TMEM204: variants seen among roughly 807,000 people sequenced by gnomAD.
The protein encoded by TMEM204 is transmembrane protein 204, also known as claudin-like protein 24.
Under a neutral mutation model 19.4 loss-of-function variants are expected in TMEM204, and 15 were observed. That is an observed-to-expected ratio of 0.77 (90% CI 0.52 to 1.19). The LOEUF (loss-of-function observed/expected upper bound fraction) is 1.19. TMEM204 is among the 50% of genes most tolerant of loss of function. TMEM204 has a pLI of 0.00. For synonymous variants in TMEM204, 161 were observed against 146.0 expected, an observed-to-expected ratio of 1.10 and a Z score of -0.74; for missense variants, 287 against 321.2, an observed-to-expected ratio of 0.89 and a Z score of 0.81.
intron 1 of TMEM204, 72 bp downstream of exon 1, chr16:1,534,627 G>T: frequency 2.5e-6 from 4 of 1,590,380 alleles, no homozygotes; most frequent in South Asian, 1.1e-5. Flanking sequence ...TGTTAGGCGC[G>T]GACCTGGTGA....
intron 1 of TMEM204, among the ~76,000 whole-genome samples, chr16:1,539,422 T>A (rs1050799304): frequency 6.6e-6 from 1 of 152,244 alleles, no homozygotes; most frequent in African/African-American, 2.4e-5. Context: ...CCTCTGGCAT[T>A]TCCAGTGCCC....
intron 1 of TMEM204, chr16:1,541,167 G>A (rs1411992734): frequency 1.4e-5 from 14 of 985,320 alleles, no homozygotes; most frequent in Non-Finnish European, 1.7e-5. Flanking sequence ...CCAGGTGTAG[G>A]TGGGGGACAG....
chr16:1,550,179 A>G (rs1305211629), intron 2 of TMEM204, among the ~76,000 whole-genome samples: 3 of 151,998 alleles, frequency 2.0e-5, no homozygotes, highest in Admixed American at 1.3e-4. Flanking sequence ...GGCTCAAGCA[A>G]TCTGTCCACC....
intron 2 of TMEM204, chr16:1,552,899 C>T (rs990771834): frequency 1.6e-5 from 14 of 894,438 alleles, no homozygotes; most frequent in Admixed American, 6.2e-5. Context: ...GTGATCCACC[C>T]GCCTCAGCCT....
Position 1,545,532 on chromosome 16 carries a change from G to A in TMEM204, c.436+3456G>A, listed in dbSNP as rs181438039. ...GAGTCGGGTTTTTTTTCCTGTACTC[G>A]CGTCTGTTTTAAACAGTCAGGGAGA... On this transcript the variant is annotated intron_variant, in intron 2 of 2. Transcript: ENST00000566264. Among the ~76,000 whole-genome samples, 49 of 152,074 alleles carry A rather than the reference G, an allele frequency of 3.2e-4. 1 individual carries two copies. In the East Asian group the frequency reaches 9.3e-3, roughly 29 times the overall value.
chr16:1,553,284 G>C lies in TMEM204; in HGVS notation c.437-1498G>C, dbSNP rs1349467147. ...TCTCTCTTGGTCTCTGTCTCTCTGT[G>C]TCTCTGCCTGTCTCTCTGTGTCTCT... On this transcript the variant is annotated intron_variant, in intron 2 of 2. Coordinates refer to ENST00000566264, the MANE Select transcript of TMEM204 (RefSeq NM_024600.6). The surrounding 1 kb of genome is among the most constrained non-coding windows in gnomAD (Gnocchi z 4.4). The C allele has an allele frequency of 3.1e-6, 3 of 980,262 alleles. No individual in the cohort carries two copies. In the African/African-American group the frequency reaches 5.3e-5, roughly 17 times the overall value. The allele number at this position is 980,262 out of a possible 1,614,324, so 60.7% of individuals were successfully genotyped here.
intron 1 of TMEM204, chr16:1,541,040 G>A (rs932655830): frequency 2.9e-5 from 29 of 985,304 alleles, no homozygotes; most frequent in African/African-American, 1.0e-4. Flanking sequence ...CTACAGAAAC[G>A]TGACGAGCCC....
At chr16:1,543,791 A>G (rs2031887596) in intron 2 of TMEM204, among the ~76,000 whole-genome samples, 2 of 152,212 alleles carry the variant, frequency 1.3e-5, no homozygotes, top group African/African-American at 4.8e-5. Context: ...CCCGAGGGCC[A>G]TAAAACAGAG....
intron 2 of TMEM204, among the ~76,000 whole-genome samples, chr16:1,543,344 T>C (rs2031833967): frequency 1.3e-5 from 2 of 152,262 alleles, no homozygotes; most frequent in African/African-American, 4.8e-5. Context: ...AGAAGGAGGC[T>C]GACAGACTGT....
chr16:1,544,416 A>G (rs2031961180), intron 2 of TMEM204, among the ~76,000 whole-genome samples: 1 of 151,248 alleles, frequency 6.6e-6, no homozygotes, highest in Admixed American at 6.6e-5. Flanking sequence ...CGATCTCCTG[A>G]CCTCGTGATC....
intron 1 of TMEM204, among the ~76,000 whole-genome samples, chr16:1,540,116 C>T (rs371175677): frequency 3.3e-5 from 5 of 152,162 alleles, no homozygotes; most frequent in East Asian, 3.9e-4. Flanking sequence ...GATGCTGGGA[C>T]GCCGAAAGCC....
chr16:1,536,895 C>A (rs919893254), intron 1 of TMEM204, among the ~76,000 whole-genome samples: 1 of 152,254 alleles, frequency 6.6e-6, no homozygotes, highest in Admixed American at 6.5e-5. Context: ...GGGTGAGGGG[C>A]TGCTACCTGC....
chr16:1,551,923 G>C lies in TMEM204; in HGVS notation c.437-2859G>C, dbSNP rs2032676097. Among the ~76,000 whole-genome samples the C allele has an allele frequency of 6.6e-6, 1 of 152,124 alleles. No homozygotes were observed. The highest frequency in any genetic ancestry group is 1.5e-5 in the Non-Finnish European group (1 of 68,014). Reference sequence around the variant, plus strand: ...GAAGCCTCCCGGGTGTGTCCCTGGTGATGTCCCCGGGGCCTCTCCCTGGTG... The same window carrying C: ...GAAGCCTCCCGGGTGTGTCCCTGGTCATGTCCCCGGGGCCTCTCCCTGGTG... On this transcript the variant is annotated intron_variant, in intron 2 of 2. Transcript: ENST00000566264. This position sits in a 1 kb window ranked among gnomAD's most constrained non-coding sequence, Gnocchi z 4.0.
rs528160845 is a variant in TMEM204, at chr16:1,537,898, G to A, written c.280+3343G>A. On this transcript the variant is annotated intron_variant, in intron 1 of 2. Coordinates refer to ENST00000566264, the MANE Select transcript of TMEM204 (RefSeq NM_024600.6). ...GCCCCGCCACACATCAAACGGGCAC[G>A]TAAGACCCTGCCTGAATACAGGTGG... Among the ~76,000 whole-genome samples the A allele has an allele frequency of 9.2e-5, 14 of 152,274 alleles. 1 individual carries two copies. In the South Asian group the frequency reaches 2.7e-3, roughly 29 times the overall value.
rs144093021 is a variant in TMEM204 at position 1,555,179 on chromosome 16, C to T, written c.*153C>T. On this transcript the variant is annotated 3_prime_UTR_variant, in exon 3 of 3. Transcript: ENST00000566264. ...GCGCCATGCGTGCGAGACACGTGTG[C>T]GTTTACTGTTATGTCGGTCATATGT... is the stretch of plus-strand genomic sequence containing the variant. The T allele has an allele frequency of 3.8e-3, 3,512 of 927,168 alleles. 12 individuals are homozygous for T. The highest frequency in any genetic ancestry group is 5.0e-3 in the Non-Finnish European group (3,161 of 635,650). The allele number at this position is 927,168 out of a possible 1,614,324, so 57.4% of individuals were successfully genotyped here.
upstream of TMEM204, among the ~76,000 whole-genome samples, chr16:1,529,526 C>G (rs909201814): frequency 6.6e-6 from 1 of 152,212 alleles, no homozygotes; most frequent in Non-Finnish European, 1.5e-5. Context: ...CTCCGATTCG[C>G]GCTCCTCAGT....
At chr16:1,531,640 T>C (rs1261948666), upstream of TMEM204, 1 of 152,080 alleles carries the variant, frequency 6.6e-6, no homozygotes, top group Non-Finnish European at 1.5e-5. This position sits in a 1 kb window ranked among gnomAD's most constrained non-coding sequence, Gnocchi z 4.7. Context: ...AGGGTCGCTC[T>C]TAACTTACAT....
chr16:1,534,284 G>A lies in TMEM204; in HGVS notation c.9G>A (p.Val3=). 1 of 1,612,098 alleles carries A rather than the reference G, an allele frequency of 6.2e-7. No individual in the cohort carries two copies. ...CGGCACCGGCGTCAGCGATGACCGT[G>A]CAGAGACTCGTGGCCGCGGCCGTGC... MT[V]QRLVAAAVLV... Residue 3 remains valine (V), a synonymous_variant, in exon 1 of 3, where the codon GTG becomes GTA. Transcript: ENST00000566264.
chr16:1,541,845 G>C (rs2031672499), intron 1 of TMEM204, 76 bp from the exon 2 acceptor site: 3 of 1,473,420 alleles, frequency 2.0e-6, no homozygotes, highest in Non-Finnish European at 1.8e-6. Context: ...CAGAGACCAC[G>C]AAAGTGGCGT....
Sources: allele counts gnomAD v4.1 joint callset (sites outside exome capture counted in the v4.1 genomes callset), GRCh38; gene constraint gnomAD v4.1.1; non-coding constraint Gnocchi (gnomAD v3.1); transcripts MANE v1.5; gene names NCBI Gene and HGNC (gene_info 2026-07-23, HGNC 2026-07-21).